GPX5: variants seen among roughly 807,000 people sequenced by gnomAD.
The protein encoded by GPX5 is epididymal secretory glutathione peroxidase.
A neutral mutation model predicts 23.8 loss-of-function variants in GPX5; 20 were observed. The observed-to-expected ratio is 0.84, with a 90% CI of 0.59 to 1.22. The LOEUF is 1.22. Ranked by LOEUF, GPX5 falls within the 50% of genes most tolerant of loss-of-function variation. The pLI is 0.00. For missense variants in GPX5, 230 were observed against 266.6 expected (o/e 0.86, Z 0.96); for synonymous variants, 92 against 99.5 (o/e 0.92, Z 0.45).
rs373074327 is a variant in GPX5 at position 28,531,766 on chromosome 6, C to G, written c.242-12C>G. 6.3e-7 allele frequency: 1 copy of G among 1,576,840 alleles called. No individual in the cohort carries two copies. The highest frequency in any genetic ancestry group is 8.7e-7 in the Non-Finnish European group (1 of 1,151,792). On this transcript the variant is annotated splice_polypyrimidine_tract_variant and intron_variant, in intron 2 of 4. Coordinates refer to ENST00000412168, the MANE Select transcript of GPX5 (RefSeq NM_001509.3). ...TCTACCTAGACCAAAATTGTTCCTC[C>G]TCTAACTGCAGAACTAAATGCACTC...
chr6:28,534,011 C>A lies in GPX5; in HGVS notation c.510C>A (p.Ser170=), dbSNP rs889389755. Residue 170 remains serine (S), a synonymous_variant, in exon 5 of 5, where the codon TCC becomes TCA. Coordinates refer to ENST00000412168, the MANE Select transcript of GPX5 (RefSeq NM_001509.3). ...TTTTGGGCACATTCAAATCTATATC[C>A]TGGGACCCTGTAAAGGTCCATGACA... ...SEILGTFKSI[S]WDPVKVHDIR... The A allele has an allele frequency of 6.2e-7, 1 of 1,609,148 alleles. No individual in the cohort carries two copies. Among genetic ancestry groups the A allele is most frequent in the South Asian group, 1.1e-5 (1 of 90,158 alleles).
At position 28,534,198 on chromosome 6, in the gene GPX5, A is replaced by G. The variant is rs1166206086; in HGVS notation, c.*31A>G. On this transcript the variant is annotated 3_prime_UTR_variant, in exon 5 of 5. Coordinates refer to ENST00000412168, the MANE Select transcript of GPX5 (RefSeq NM_001509.3). ...TGGAGTTAAGGGCAGGAGCAACCCTACTTCTCACCTAATGACTTGCTCTCC... is the reference window on the plus strand; with the variant it reads ...TGGAGTTAAGGGCAGGAGCAACCCTGCTTCTCACCTAATGACTTGCTCTCC... The G allele has an allele frequency of 6.8e-7, 1 of 1,469,438 alleles. No homozygotes were observed. The highest frequency in any genetic ancestry group is 2.2e-5 in the Admixed American group (1 of 46,178). The allele number at this position is 1,469,438 out of a possible 1,614,324, so 91.0% of individuals were successfully genotyped here. A position where few individuals can be genotyped will look rare whatever the true frequency, so the allele number is the denominator to read the frequency against.
intron 4 of GPX5, among the ~76,000 whole-genome samples, chr6:28,533,102 C>G (rs1763357539): frequency 6.6e-6 from 1 of 152,034 alleles, no homozygotes; most frequent in African/African-American, 2.4e-5. Context: ...CACTAGGCAA[C>G]CAAGCAAGAC....
intron 4 of GPX5, among the ~76,000 whole-genome samples, chr6:28,533,269 G>T (rs917944657): frequency 2.6e-5 from 4 of 152,050 alleles, no homozygotes; most frequent in Non-Finnish European, 5.9e-5. Context: ...CTAAATGCTG[G>T]ACTGTGAACC....
At chr6:28,531,097 T>A (rs1763302414) in intron 2 of GPX5, among the ~76,000 whole-genome samples, 1 of 152,128 alleles carries the variant, frequency 6.6e-6, no homozygotes, top group South Asian at 2.1e-4. Context: ...CAGATTTCTC[T>A]GTTTGTCTTT....
rs896935793 is a variant in GPX5 at position 28,530,563 on chromosome 6, C to G, written c.241+959C>G. Among the ~76,000 whole-genome samples the G allele has an allele frequency of 5.9e-5, 9 of 152,184 alleles. 1 individual carries two copies. Among genetic ancestry groups the G allele is most frequent in the East Asian group, 3.8e-4 (2 of 5,198 alleles). ...ATAGATATTCTTGTTTCTGCTCCCC[C>G]CTCCCCAGCTGATAACACACAATAA... On this transcript the variant is annotated intron_variant, in intron 2 of 4. Coordinates refer to ENST00000412168, the MANE Select transcript of GPX5 (RefSeq NM_001509.3).
chr6:28,532,172 C>A (rs1424372495), intron 3 of GPX5, 149 bp from the exon 4 acceptor site: 4 of 631,242 alleles, frequency 6.3e-6, no homozygotes, highest in Non-Finnish European at 1.1e-5. Flanking sequence ...AGTCAGAGAG[C>A]CCAAAGTCAA....
At chr6:28,526,571 C>T (rs1277636999) in intron 1 of GPX5, among the ~76,000 whole-genome samples, 1 of 151,410 alleles carries the variant, frequency 6.6e-6, no homozygotes, top group Non-Finnish European at 1.5e-5. Flanking sequence ...ATCAGAGAAA[C>T]ATAAAACATG....
At chr6:28,526,435 A>G (rs1455798055) in intron 1 of GPX5, among the ~76,000 whole-genome samples, 3 of 152,154 alleles carry the variant, frequency 2.0e-5, no homozygotes, top group Admixed American at 1.3e-4. Context: ...GCTTTAGAGT[A>G]GGTGGGGACT....
intron 2 of GPX5, among the ~76,000 whole-genome samples, chr6:28,531,389 A>AAAAAAAAG (rs1763315872): frequency 4.3e-5 from 3 of 69,552 alleles, no homozygotes; most frequent in Non-Finnish European, 8.1e-5. Flanking sequence ...AAAAAAAAAA[A>AAAAAAAAG]AAAAGAAAAG....
At chr6:28,531,463 T>A (rs533360310) in intron 2 of GPX5, among the ~76,000 whole-genome samples, 1 of 147,524 alleles carries the variant, frequency 6.8e-6, no homozygotes, top group African/African-American at 2.5e-5. Flanking sequence ...TAAAGAAGAC[T>A]AAGCCCCATT....
At chr6:28,531,962 C>T in intron 3 of GPX5, 67 bp downstream of exon 3, 1 of 1,110,246 alleles carries the variant, frequency 9.0e-7, no homozygotes, top group East Asian at 2.3e-5. Flanking sequence ...AGAGGCCCTT[C>T]CAGCTCAGGA....
chr6:28,530,647 C>G (rs1763295433), intron 2 of GPX5, among the ~76,000 whole-genome samples: 1 of 152,172 alleles, frequency 6.6e-6, no homozygotes. Flanking sequence ...CAGATCATTT[C>G]CTCATTCTTT....
chr6:28,531,773 T>C lies in GPX5; in HGVS notation c.242-5T>C, dbSNP rs751728799. The C allele has an allele frequency of 6.3e-7, 1 of 1,593,870 alleles. No homozygotes were observed. Among genetic ancestry groups the C allele is most frequent in the South Asian group, 1.1e-5 (1 of 89,646 alleles). On this transcript the variant is annotated splice_polypyrimidine_tract_variant and splice_region_variant and intron_variant, in intron 2 of 4. Coordinates refer to ENST00000412168, the MANE Select transcript of GPX5 (RefSeq NM_001509.3). ...AGACCAAAATTGTTCCTCCTCTAAC[T>C]GCAGAACTAAATGCACTCCAGGAGG... is the stretch of plus-strand genomic sequence containing the variant.
intron 2 of GPX5, chr6:28,529,892 G>A (rs1763281430): frequency 3.6e-6 from 1 of 280,734 alleles, no homozygotes; most frequent in Admixed American, 5.1e-5. Flanking sequence ...AGTTGTAGGA[G>A]TAGTGATGAT....
chr6:28,533,870 A>C (rs1348126070), intron 4 of GPX5, 91 bp from the exon 5 acceptor site: 6 of 735,044 alleles, frequency 8.2e-6, no homozygotes, highest in Non-Finnish European at 8.7e-6. Flanking sequence ...ATCTAGGTAT[A>C]GGAGGGGGTG....
Position 28,529,508 on chromosome 6 carries a change from A to T in GPX5, c.145A>T (p.Asn49Tyr). 1 of 1,613,536 alleles carries T rather than the reference A, an allele frequency of 6.2e-7. No homozygotes were observed. Among genetic ancestry groups the T allele is most frequent in the Non-Finnish European group, 8.5e-7 (1 of 1,179,578 alleles). Residue 49 changes from asparagine (N) to tyrosine (Y), a missense_variant, in exon 2 of 5, where the codon AAT becomes TAT. By Grantham distance (143) the Asn-to-Tyr change is moderately radical (BLOSUM62 -2). Coordinates refer to ENST00000412168, the MANE Select transcript of GPX5 (RefSeq NM_001509.3). ...TIYDYEAIAL[N>Y]KNEYVSFKQY... Reference sequence around the variant, plus strand: ...CTATGACTATGAGGCCATCGCACTTAATAAGAATGAATATGTTTCCTTCAA... The same window carrying T: ...CTATGACTATGAGGCCATCGCACTTTATAAGAATGAATATGTTTCCTTCAA...
intron 3 of GPX5, 53 bp downstream of exon 3, chr6:28,531,948 C>A: frequency 8.2e-7 from 1 of 1,223,064 alleles, no homozygotes; most frequent in Non-Finnish European, 1.2e-6. Flanking sequence ...TTTCCTCAGT[C>A]TCCAGAGGCC....
intron 2 of GPX5, chr6:28,530,188 G>C (rs868328028): frequency 1.3e-5 from 2 of 152,152 alleles, no homozygotes; most frequent in South Asian, 2.1e-4. Flanking sequence ...TAGAGTGAGG[G>C]CTGGCGGATG....
Sources: allele counts gnomAD v4.1 joint callset (sites outside exome capture counted in the v4.1 genomes callset), GRCh38; gene constraint gnomAD v4.1.1; transcripts MANE v1.5; gene names NCBI Gene and HGNC (gene_info 2026-07-23, HGNC 2026-07-21).